Variants in MEGF9 observed in about 807,000 individuals in gnomAD.
MEGF9 encodes the protein multiple EGF like domains 9, also known as multiple epidermal growth factor-like domains protein 9.
A neutral mutation model predicts 46.8 loss-of-function variants in MEGF9; 6 were observed. That is an observed-to-expected ratio of 0.13 (90% CI 0.07 to 0.25). MEGF9 has a LOEUF of 0.25. Among genes scored for constraint, MEGF9 ranks in the 10% least tolerant of loss-of-function variants. The pLI is 1.00. For synonymous variants in MEGF9, 302 were observed against 330.7 expected, an observed-to-expected ratio of 0.91 and a Z score of 0.94; for missense variants, 683 against 792.4, an observed-to-expected ratio of 0.86 and a Z score of 1.66.
chr9:120,646,865 T>C (rs987701772), intron 2 of MEGF9, among the ~76,000 whole-genome samples: 1 of 152,180 alleles, frequency 6.6e-6, no homozygotes, highest in Non-Finnish European at 1.5e-5. Context: ...ATACTGCATT[T>C]ATAGAAACTT....
chr9:120,714,127 G>A lies in MEGF9; in HGVS notation c.232C>T (p.Pro78Ser). 8.1e-7 allele frequency: 1 copy of A among 1,238,746 alleles called. No homozygotes were observed. The highest frequency in any genetic ancestry group is 1.0e-6 in the Non-Finnish European group (1 of 991,602). The allele number at this position is 1,238,746 out of a possible 1,614,324, so 76.7% of individuals were successfully genotyped here. ...GTGGCGCGCGGGGGCCCGGTCCTCG[G>A]GGCCTGGGCCGTGGGAGCCGTCGCC... The part of the protein sequence containing the change: ...PRATAPTAQA[P>S]RTGPPRATVH... The change falls in exon 1 of 6, where the codon CCG becomes TCG. Residue 78 changes from proline (P) to serine (S), a missense_variant. Around this residue, in one of 2 missense-constraint regions of MEGF9, gnomAD observed 370 missense variants for 371.3 expected, o/e 1.00. Coordinates refer to ENST00000373930, the MANE Select transcript of MEGF9 (RefSeq NM_001080497.3).
At chr9:120,608,695 A>G (rs977549563) in intron 4 of MEGF9, among the ~76,000 whole-genome samples, 1 of 152,170 alleles carries the variant, frequency 6.6e-6, no homozygotes, top group African/African-American at 2.4e-5. Context: ...CATGTACAAC[A>G]CTGTCCTCAG....
rs1306331353 is a variant in MEGF9, at chr9:120,628,465, G to GTCGTTTTTTTTTTTTTTTTTTTTTTT, written c.804-5711_804-5710insAAAAAAAAAAAAAAAAAAAAAAACGA. ...CCATATTCAGACAGAAATTCTTGTCGTTGTTTTTTTTTTTTTTTTTTTTTT... is the reference window on the plus strand; with the variant it reads ...CCATATTCAGACAGAAATTCTTGTCGTCGTTTTTTTTTTTTTTTTTTTTTTTTTGTTTTTTTTTTTTTTTTTTTTTT... On this transcript the variant is annotated intron_variant, in intron 2 of 5. Transcript: ENST00000373930. 7.6e-5 allele frequency among the ~76,000 whole-genome samples: 4 copies of GTCGTTTTTTTTTTTTTTTTTTTTTTT among 52,756 alleles called. 2 individuals are homozygous for GTCGTTTTTTTTTTTTTTTTTTTTTTT. The highest frequency in any genetic ancestry group is 8.0e-5 in the Non-Finnish European group (2 of 24,894). 34.6% of individuals were successfully genotyped at this position (52,756 alleles called of 152,430 possible).
chr9:120,678,915 C>A (rs532719381), intron 1 of MEGF9, among the ~76,000 whole-genome samples: 1 of 152,130 alleles, frequency 6.6e-6, no homozygotes, highest in African/African-American at 2.4e-5. Flanking sequence ...CAAATCAAAA[C>A]CACAATGAGA....
At chr9:120,630,139 T>A (rs1286580676) in intron 2 of MEGF9, among the ~76,000 whole-genome samples, 4 of 152,174 alleles carry the variant, frequency 2.6e-5, no homozygotes, top group African/African-American at 9.7e-5. Flanking sequence ...ACAAAGCCTA[T>A]ATGTATACTT....
chr9:120,696,390 T>C (rs144271571), intron 1 of MEGF9, among the ~76,000 whole-genome samples: 2 of 152,296 alleles, frequency 1.3e-5, no homozygotes, highest in South Asian at 4.1e-4. Flanking sequence ...AGGTTCTACA[T>C]TGTACTAGCT....
At chr9:120,685,892 A>G (rs2043820103) in intron 1 of MEGF9, among the ~76,000 whole-genome samples, 1 of 152,206 alleles carries the variant, frequency 6.6e-6, no homozygotes, top group Non-Finnish European at 1.5e-5. Context: ...AGCCCTAAAA[A>G]TGAAGGAAAT....
At chr9:120,689,290 TAAC>T (rs1334474856) in intron 1 of MEGF9, among the ~76,000 whole-genome samples, 1 of 151,974 alleles carries the variant, frequency 6.6e-6, no homozygotes, top group Non-Finnish European at 1.5e-5. Context: ...GCAGCATGTG[TAAC>T]AACATCAAGG....
intron 2 of MEGF9, among the ~76,000 whole-genome samples, chr9:120,626,299 T>C (rs1385896213): frequency 1.3e-5 from 2 of 152,240 alleles, no homozygotes. Flanking sequence ...ATTGTGGAGC[T>C]ACGCTGCATT....
intron 2 of MEGF9, among the ~76,000 whole-genome samples, chr9:120,630,026 T>A (rs2043543719): frequency 6.6e-6 from 1 of 152,248 alleles, no homozygotes; most frequent in Non-Finnish European, 1.5e-5. Context: ...CAGTTCAGTA[T>A]ACCTTGACCA....
At chr9:120,630,427 G>A (rs190448550) in intron 2 of MEGF9, among the ~76,000 whole-genome samples, 72 of 152,300 alleles carry the variant, frequency 4.7e-4, no homozygotes, top group African/African-American at 1.6e-3. Context: ...GGACACAGAG[G>A]TTGATTCTGT....
intron 1 of MEGF9, among the ~76,000 whole-genome samples, chr9:120,679,294 A>G (rs547929596): frequency 6.6e-6 from 1 of 152,328 alleles, no homozygotes; most frequent in South Asian, 2.1e-4. Flanking sequence ...CTATGCAGCC[A>G]TAAAAAATGA....
intron 1 of MEGF9, among the ~76,000 whole-genome samples, chr9:120,698,208 T>G (rs976103037): frequency 2.0e-5 from 3 of 152,226 alleles, no homozygotes; most frequent in African/African-American, 7.2e-5. Flanking sequence ...AATAGAGTGG[T>G]CACATCTTTC....
At chr9:120,665,897 A>T (rs1411373421) in intron 1 of MEGF9, among the ~76,000 whole-genome samples, 2 of 152,106 alleles carry the variant, frequency 1.3e-5, no homozygotes, top group African/African-American at 4.8e-5. Flanking sequence ...TTGAAAATCA[A>T]TTGGCTGTAA....
At chr9:120,633,131 C>A (rs928766520) in intron 2 of MEGF9, among the ~76,000 whole-genome samples, 1 of 152,052 alleles carries the variant, frequency 6.6e-6, no homozygotes, top group Non-Finnish European at 1.5e-5. Context: ...GAATTCCCTT[C>A]TCTTTGATTT....
chr9:120,713,741 G>A lies in MEGF9; in HGVS notation c.601+17C>T, dbSNP rs1434539779. On this transcript the variant is annotated intron_variant, in intron 1 of 5. Coordinates refer to ENST00000373930, the MANE Select transcript of MEGF9 (RefSeq NM_001080497.3). Reference sequence around the variant, plus strand: ...AGGTGAGGACGGGTCCTGCCCGAGAGGGAGCGCCGGACTCACCTGGAGGAG... The same window carrying A: ...AGGTGAGGACGGGTCCTGCCCGAGAAGGAGCGCCGGACTCACCTGGAGGAG... 6.2e-6 allele frequency: 8 copies of A among 1,284,712 alleles called. No individual in the cohort carries two copies. The highest frequency in any genetic ancestry group is 3.3e-5 in the South Asian group (1 of 30,306). The allele number at this position is 1,284,712 out of a possible 1,614,324, so 79.6% of individuals were successfully genotyped here.
At chr9:120,631,713 G>A (rs2043551447) in intron 2 of MEGF9, among the ~76,000 whole-genome samples, 1 of 152,092 alleles carries the variant, frequency 6.6e-6, no homozygotes. Flanking sequence ...TTGAACTCCT[G>A]ACCTTAAGTG....
Position 120,607,847 on chromosome 9 carries a change from G to A in MEGF9, c.1251C>T (p.Pro417=), listed in dbSNP as rs749240108. 1.7e-5 allele frequency: 27 copies of A among 1,613,800 alleles called. No homozygotes were observed. The highest frequency in any genetic ancestry group is 9.9e-5 in the South Asian group (9 of 91,084). Residue 417 remains proline, a synonymous_variant, in exon 5 of 6, where the codon CCC becomes CCT. Transcript: ENST00000373930. ...DPVKTPKICK[P]ESGECINCLH... is the part of the protein sequence containing the mutation. ...GGCAGTTGATGCACTCACCACTCTC[G>A]GGCTTACAAATCTTTGGAGTTTTAA...
At chr9:120,687,944 G>A (rs1357303851) in intron 1 of MEGF9, among the ~76,000 whole-genome samples, 1 of 151,962 alleles carries the variant, frequency 6.6e-6, no homozygotes, top group African/African-American at 2.4e-5. Flanking sequence ...ATACTTTTCA[G>A]AAAACTTATT....
Sources: gnomAD v4.1 joint callset for allele counts (sites outside exome capture counted in the v4.1 genomes callset) on GRCh38, gnomAD v4.1.1 for gene constraint, gnomAD v4.1.1 regional missense constraint, MANE v1.5 for transcripts, NCBI Gene and HGNC (gene_info 2026-07-23, HGNC 2026-07-21) for gene names.